The following SORCS3 variants were observed in gnomAD, a reference collection of about 807,000 sequenced individuals.
The protein encoded by SORCS3 is VPS10 domain-containing receptor SorCS3.
SORCS3 carries 57 observed loss-of-function variants against 146.3 expected under a neutral mutation model. The observed-to-expected ratio is 0.39, with a 90% CI of 0.31 to 0.49. The LOEUF (loss-of-function observed/expected upper bound fraction) is 0.49, where lower values mean the gene tolerates loss of function less well. Ranked by LOEUF, SORCS3 falls within the 20% of genes least tolerant of loss-of-function variation. The probability of loss-of-function intolerance (pLI) is 0.92; values close to 1 mark genes in which losing one functional copy is unlikely to be tolerated. For missense variants in SORCS3, 1,341 were observed against 1,575.5 expected (o/e 0.85, Z 2.52); for synonymous variants, 653 against 618.5 (o/e 1.06, Z -0.83).
rs1225180939 is a variant in SORCS3, at chr10:105,245,524, T to C, written c.2869-18T>C. Reference sequence around the variant, plus strand: ...ATCCCACACAAGACTGAATGAGTATTGTTACTTCTTCTTGTAGCCTCTCAT... The same window carrying C: ...ATCCCACACAAGACTGAATGAGTATCGTTACTTCTTCTTGTAGCCTCTCAT... On this transcript the variant is annotated intron_variant, in intron 20 of 26. Coordinates refer to ENST00000369701, the MANE Select transcript of SORCS3 (RefSeq NM_014978.3). The C allele has an allele frequency of 1.9e-6, 3 of 1,613,888 alleles. No homozygotes were observed. In the South Asian group the frequency reaches 3.3e-5, roughly 18 times the overall value.
intron 4 of SORCS3, among the ~76,000 whole-genome samples, chr10:104,986,171 C>G (rs939843334): frequency 1.3e-5 from 2 of 152,246 alleles, no homozygotes; most frequent in Non-Finnish European, 2.9e-5. Context: ...GCTAGATCTT[C>G]TGGATAACTT....
intron 4 of SORCS3, among the ~76,000 whole-genome samples, chr10:104,981,391 G>T (rs1310747324): frequency 1.3e-5 from 2 of 152,130 alleles, no homozygotes; most frequent in African/African-American, 4.8e-5. Context: ...AATGACAAAA[G>T]AAAAGCTACT....
chr10:105,056,391 A>C (rs992136063), intron 5 of SORCS3, among the ~76,000 whole-genome samples: 2 of 152,180 alleles, frequency 1.3e-5, no homozygotes, highest in African/African-American at 4.8e-5. Flanking sequence ...CACTCCCAGC[A>C]ACTCTGTTAG....
intron 1 of SORCS3, among the ~76,000 whole-genome samples, chr10:104,805,634 G>A (rs1311662312): frequency 6.6e-6 from 1 of 152,138 alleles, no homozygotes; most frequent in Non-Finnish European, 1.5e-5. Context: ...ATGGATACCA[G>A]TTGTAACTAC....
intron 16 of SORCS3, 126 bp from the exon 17 acceptor site, chr10:105,211,011 G>T: frequency 1.6e-6 from 1 of 606,492 alleles, no homozygotes; most frequent in African/African-American, 1.8e-5. Flanking sequence ...CCTCACTGGG[G>T]ATATTTAAAA....
rs771914576 is a variant in SORCS3 at position 105,214,630 on chromosome 10, G to T, written c.2547+17G>T. On this transcript the variant is annotated intron_variant, in intron 18 of 26. Transcript: ENST00000369701. ...ATGGAGGAGGTAGGTGCTCAACTGGGTCTCTGAGGTCAGAACTCCCAACCA... is the reference window on the plus strand; with the variant it reads ...ATGGAGGAGGTAGGTGCTCAACTGGTTCTCTGAGGTCAGAACTCCCAACCA... The T allele has an allele frequency of 2.6e-6, 4 of 1,541,700 alleles. No individual in the cohort carries two copies. Among genetic ancestry groups the T allele is most frequent in the South Asian group, 1.3e-5 (1 of 79,178 alleles).
At chr10:105,081,875 C>T (rs1029348556) in intron 5 of SORCS3, among the ~76,000 whole-genome samples, 8 of 152,088 alleles carry the variant, frequency 5.3e-5, no homozygotes, top group South Asian at 4.1e-4. Flanking sequence ...CTCAGGAAGG[C>T]GAACAATCTA....
intron 19 of SORCS3, among the ~76,000 whole-genome samples, chr10:105,217,439 A>G (rs1383239474): frequency 6.6e-6 from 1 of 152,230 alleles, no homozygotes; most frequent in Non-Finnish European, 1.5e-5. Context: ...CCTCAAAATG[A>G]AAAAGATAGA....
intron 7 of SORCS3, among the ~76,000 whole-genome samples, chr10:105,130,638 A>G (rs2056012119): frequency 6.6e-6 from 1 of 151,956 alleles, no homozygotes; most frequent in African/African-American, 2.4e-5. Flanking sequence ...TTATTATCTC[A>G]TGTCTATTCT....
At chr10:105,177,055 A>G (rs959888314) in intron 13 of SORCS3, among the ~76,000 whole-genome samples, 39 of 152,032 alleles carry the variant, frequency 2.6e-4, no homozygotes, top group Middle Eastern at 3.4e-3. Flanking sequence ...GGGTTTTTCA[A>G]TGATAAGACA....
intron 3 of SORCS3, among the ~76,000 whole-genome samples, chr10:104,958,113 T>C (rs974230320): frequency 1.3e-5 from 2 of 152,184 alleles, no homozygotes; most frequent in African/African-American, 4.8e-5. Context: ...TGCCTTTGTT[T>C]GCACTAATTC....
At chr10:104,729,557 G>A (rs984152157) in intron 1 of SORCS3, among the ~76,000 whole-genome samples, 8 of 152,216 alleles carry the variant, frequency 5.3e-5, no homozygotes, top group African/African-American at 1.9e-4. Context: ...TTGAAGAAAT[G>A]AACTTAATTT....
chr10:105,042,957 T>C (rs926366555), intron 4 of SORCS3, 98 bp from the exon 5 acceptor site: 16 of 967,244 alleles, frequency 1.7e-5, no homozygotes, highest in Non-Finnish European at 2.3e-5. Flanking sequence ...CTTGGGTGTG[T>C]TGGGCACTCT....
At chr10:105,158,516 A>G (rs1373773622) in intron 10 of SORCS3, among the ~76,000 whole-genome samples, 1 of 152,186 alleles carries the variant, frequency 6.6e-6, no homozygotes, top group Non-Finnish European at 1.5e-5. Flanking sequence ...CAACTCCAAG[A>G]AGCAGAATTG....
At chr10:105,151,411 T>A (rs2056166794) in intron 9 of SORCS3, among the ~76,000 whole-genome samples, 2 of 152,204 alleles carry the variant, frequency 1.3e-5, no homozygotes, top group East Asian at 3.9e-4. Flanking sequence ...CAGAAAATAT[T>A]CGCACGTGTG....
chr10:104,821,239 A>C (rs1214423782), intron 1 of SORCS3, among the ~76,000 whole-genome samples: 1 of 152,226 alleles, frequency 6.6e-6, no homozygotes, highest in African/African-American at 2.4e-5. Flanking sequence ...CAGAGGGTGC[A>C]TCAGGGTCAC....
At chr10:104,803,611 C>G (rs1442659290) in intron 1 of SORCS3, among the ~76,000 whole-genome samples, 1 of 152,154 alleles carries the variant, frequency 6.6e-6, no homozygotes, top group East Asian at 1.9e-4. Context: ...CTGTGTGTTG[C>G]CCATCACTAG....
chr10:105,182,228 A>ATTTTTTTTTTTTTTT (rs1306740780), intron 14 of SORCS3, among the ~76,000 whole-genome samples: 16 of 69,304 alleles, frequency 2.3e-4, no homozygotes, highest in Admixed American at 6.3e-4. Flanking sequence ...ACTATTCAGC[A>ATTTTTTTTTTTTTTT]TCTTTTTTTT....
intron 1 of SORCS3, among the ~76,000 whole-genome samples, chr10:104,837,988 C>T (rs1219710242): frequency 1.3e-5 from 2 of 152,130 alleles, no homozygotes; most frequent in East Asian, 3.9e-4. Flanking sequence ...ATTTGCTTAA[C>T]CCTTGGGACT....
Sources: allele counts gnomAD v4.1 joint callset (sites outside exome capture counted in the v4.1 genomes callset), GRCh38; gene constraint gnomAD v4.1.1; transcripts MANE v1.5; gene names NCBI Gene and HGNC (gene_info 2026-07-23, HGNC 2026-07-21).